DLC1: variants seen among roughly 807,000 people sequenced by gnomAD.
The protein encoded by DLC1 is DLC1 Rho GTPase activating protein.
A neutral mutation model predicts 140.3 loss-of-function variants in DLC1; 54 were observed. The observed-to-expected ratio is 0.38, with a 90% confidence interval of 0.31 to 0.48. DLC1 has a LOEUF of 0.48. Among genes scored for constraint, DLC1 ranks in the 20% least tolerant of loss-of-function variants. The pLI is 0.96. For synonymous variants in DLC1, 986 were observed against 728.1 expected, an observed-to-expected ratio of 1.35 and a Z score of -5.70; for missense variants, 2,536 against 1,907.0, an observed-to-expected ratio of 1.33 and a Z score of -6.14.
At chr8:13,221,919 TAA>T (rs925402609) in intron 5 of DLC1, among the ~76,000 whole-genome samples, 2 of 144,816 alleles carry the variant, frequency 1.4e-5, no homozygotes, top group Admixed American at 7.1e-5. Context: ...TATTAGTATA[TAA>T]AAAGTTATAT....
chr8:13,576,869 C>T (rs1392859036), intron 1 of DLC1, among the ~76,000 whole-genome samples: 1 of 152,162 alleles, frequency 6.6e-6, no homozygotes, highest in African/African-American at 2.4e-5. Context: ...TATTGTGTCC[C>T]TTTGAAGGTT....
chr8:13,213,201 AT>A (rs1472392023), intron 5 of DLC1, among the ~76,000 whole-genome samples: 1 of 152,206 alleles, frequency 6.6e-6, no homozygotes, highest in Non-Finnish European at 1.5e-5. Context: ...TTCTTCAGAC[AT>A]TTTTGGCTGT....
chr8:13,110,691 C>A (rs1820016943), intron 7 of DLC1, 51 bp downstream of exon 7: 1 of 1,530,112 alleles, frequency 6.5e-7, no homozygotes, highest in Non-Finnish European at 9.0e-7. Flanking sequence ...GTGAGAAGTA[C>A]TGTGTTCTTA....
chr8:13,442,964 A>T (rs1039743175), intron 2 of DLC1, among the ~76,000 whole-genome samples: 2 of 152,168 alleles, frequency 1.3e-5, no homozygotes, highest in African/African-American at 4.8e-5. Context: ...CAAATGTCCA[A>T]CAATGATAGA....
intron 2 of DLC1, among the ~76,000 whole-genome samples, chr8:13,404,205 G>A (rs1017454649): frequency 2.0e-5 from 3 of 152,106 alleles, no homozygotes; most frequent in Non-Finnish European, 4.4e-5. Flanking sequence ...GCAGGAAATG[G>A]GTGGGCTATG....
chr8:13,548,034 C>T (rs1374287259), intron 1 of DLC1, among the ~76,000 whole-genome samples: 1 of 152,040 alleles, frequency 6.6e-6, no homozygotes, highest in Non-Finnish European at 1.5e-5. Context: ...TTGTAATTAT[C>T]TCTGTATCTA....
chr8:13,299,114 G>T (rs1397388900), intron 5 of DLC1, among the ~76,000 whole-genome samples: 1 of 151,802 alleles, frequency 6.6e-6, no homozygotes. Flanking sequence ...TCTTCTCCAT[G>T]GGATTAAATG....
chr8:13,442,405 C>G lies in DLC1; in HGVS notation c.1024-40786G>C, dbSNP rs191791047. ...TGCACAGCAAAAGAAACTACCATCA[C>G]AGTGAACAGGCAACCTACAGAATGG... On this transcript the variant is annotated intron_variant, in intron 2 of 17. Coordinates refer to ENST00000276297, the MANE Select transcript of DLC1 (RefSeq NM_182643.3). Among the ~76,000 whole-genome samples, 571 of 152,232 alleles carry G rather than the reference C, an allele frequency of 3.8e-3. 3 individuals are homozygous for G. The highest frequency in any genetic ancestry group is 0.013 in the African/African-American group (536 of 41,546).
intron 5 of DLC1, 66 bp from the exon 6 acceptor site, chr8:13,115,723 T>C: frequency 6.6e-7 from 1 of 1,509,296 alleles, no homozygotes; most frequent in Admixed American, 1.7e-5. Flanking sequence ...TTTTCCTGAA[T>C]AAGCTTTCGT....
chr8:13,344,449 C>T (rs1440468502), intron 4 of DLC1, among the ~76,000 whole-genome samples: 2 of 152,132 alleles, frequency 1.3e-5, no homozygotes, highest in African/African-American at 2.4e-5. Flanking sequence ...GCCGAGATCA[C>T]GCCGTTGCAC....
chr8:13,466,279 C>T (rs1402917545), intron 2 of DLC1, among the ~76,000 whole-genome samples: 1 of 152,192 alleles, frequency 6.6e-6, no homozygotes, highest in African/African-American at 2.4e-5. Context: ...GTTCTGGACG[C>T]AATACCCCCA....
At chr8:13,233,654 C>G (rs1281510324) in intron 5 of DLC1, among the ~76,000 whole-genome samples, 2 of 152,174 alleles carry the variant, frequency 1.3e-5, no homozygotes, top group Non-Finnish European at 2.9e-5. Flanking sequence ...TGTACCACAT[C>G]TTCTATCACA....
intron 4 of DLC1, among the ~76,000 whole-genome samples, chr8:13,358,197 A>G (rs1835039064): frequency 6.6e-6 from 1 of 152,240 alleles, no homozygotes; most frequent in Non-Finnish European, 1.5e-5. Flanking sequence ...TACTTAATTA[A>G]CTAAAACCAA....
chr8:13,121,389 A>G (rs1821047365), intron 5 of DLC1, among the ~76,000 whole-genome samples: 1 of 152,120 alleles, frequency 6.6e-6, no homozygotes, highest in African/African-American at 2.4e-5. Flanking sequence ...GTGCAGGTGG[A>G]TACGATGGTT....
intron 5 of DLC1, among the ~76,000 whole-genome samples, chr8:13,265,231 G>C (rs1378260098): frequency 2.0e-5 from 3 of 152,146 alleles, no homozygotes; most frequent in East Asian, 3.9e-4. Context: ...TTTTAAGTTT[G>C]AATAGGGAGA....
At chr8:13,337,398 A>G (rs532881100) in intron 4 of DLC1, among the ~76,000 whole-genome samples, 5 of 152,298 alleles carry the variant, frequency 3.3e-5, no homozygotes, top group African/African-American at 1.2e-4. Context: ...ATTGCTACAA[A>G]AAAATAATTA....
intron 4 of DLC1, among the ~76,000 whole-genome samples, chr8:13,306,443 A>C (rs1832430798): frequency 6.6e-6 from 1 of 152,006 alleles, no homozygotes; most frequent in Non-Finnish European, 1.5e-5. Flanking sequence ...CCACCCCATA[A>C]TCACTGACCA....
At chr8:13,222,764 G>A (rs1355662458) in intron 5 of DLC1, among the ~76,000 whole-genome samples, 1 of 152,204 alleles carries the variant, frequency 6.6e-6, no homozygotes, top group South Asian at 2.1e-4. Context: ...GTGGTGGGGG[G>A]ACAGGGTCTT....
At chr8:13,434,326 C>T (rs289616) in intron 2 of DLC1, among the ~76,000 whole-genome samples, 4,888 of 152,224 alleles carry the variant, frequency 0.032, 257 homozygotes, top group African/African-American at 0.11. Context: ...CTCTCTATAA[C>T]CCAAGATGTC....
Sources: gnomAD v4.1 joint callset for allele counts (sites outside exome capture counted in the v4.1 genomes callset) on GRCh38, gnomAD v4.1.1 for gene constraint, MANE v1.5 for transcripts, NCBI Gene and HGNC (gene_info 2026-07-23, HGNC 2026-07-21) for gene names.